Variants in MLLT3 observed in about 807,000 individuals in gnomAD.
MLLT3 encodes protein AF-9.
Under a neutral mutation model 53.2 loss-of-function variants are expected in MLLT3, and 4 were observed. That is an observed-to-expected ratio of 0.08 (90% CI 0.04 to 0.17). The LOEUF is 0.17. Among genes scored for constraint, MLLT3 ranks in the 10% least tolerant of loss-of-function variants. MLLT3 has a pLI of 1.00. For missense variants in MLLT3, 569 were observed against 684.0 expected, an observed-to-expected ratio of 0.83 and a Z score of 1.87; for synonymous variants, 283 against 230.6, an observed-to-expected ratio of 1.23 and a Z score of -2.06.
chr9:20,363,431 G>C, intron 7 of MLLT3, 45 bp downstream of exon 7: 1 of 1,608,410 alleles, frequency 6.2e-7, no homozygotes, highest in Non-Finnish European at 8.5e-7. Context: ...TTGTGAAAGA[G>C]TCTGACTTCA....
intron 2 of MLLT3, among the ~76,000 whole-genome samples, chr9:20,467,642 T>TA (rs1157724224): frequency 1.3e-5 from 2 of 152,122 alleles, no homozygotes; most frequent in Admixed American, 1.3e-4. Flanking sequence ...TTAGGAGTAA[T>TA]AAAAAATCGC....
intron 3 of MLLT3, among the ~76,000 whole-genome samples, chr9:20,451,662 T>C (rs1021551008): frequency 4.6e-5 from 7 of 152,186 alleles, no homozygotes; most frequent in Non-Finnish European, 7.4e-5. Context: ...AAAGTTCAAA[T>C]GAGAAAGCAT....
At chr9:20,467,352 G>C (rs1021624758) in intron 2 of MLLT3, among the ~76,000 whole-genome samples, 11 of 152,142 alleles carry the variant, frequency 7.2e-5, no homozygotes, top group African/African-American at 2.7e-4. Flanking sequence ...GGCTGAGGTA[G>C]GTGGATCACG....
intron 2 of MLLT3, among the ~76,000 whole-genome samples, chr9:20,571,252 C>T (rs1283020208): frequency 6.6e-6 from 1 of 152,210 alleles, no homozygotes; most frequent in Non-Finnish European, 1.5e-5. Context: ...CAAAACTACA[C>T]AATGGGATTG....
chr9:20,560,754 A>G (rs547855134), intron 2 of MLLT3, among the ~76,000 whole-genome samples: 1 of 152,066 alleles, frequency 6.6e-6, no homozygotes, highest in Admixed American at 6.6e-5. Flanking sequence ...TTATTAAAAA[A>G]TTTTTTATTC....
At chr9:20,477,196 T>C (rs1478497090) in intron 2 of MLLT3, among the ~76,000 whole-genome samples, 1 of 152,172 alleles carries the variant, frequency 6.6e-6, no homozygotes, top group Non-Finnish European at 1.5e-5. Context: ...TAAATTCTTC[T>C]ATTTGCCAGG....
At chr9:20,483,698 CTTTT>C (rs10538657) in intron 2 of MLLT3, among the ~76,000 whole-genome samples, 1,466 of 68,892 alleles carry the variant, frequency 0.021, 43 homozygotes, top group African/African-American at 0.081. Context: ...CAGTAAAACT[CTTTT>C]TTTTTTTTTT....
intron 3 of MLLT3, among the ~76,000 whole-genome samples, chr9:20,455,549 G>C (rs1370975005): frequency 2.0e-5 from 3 of 152,122 alleles, no homozygotes; most frequent in Non-Finnish European, 2.9e-5. Context: ...CCTGCCCTTA[G>C]GGTAATGCTA....
intron 5 of MLLT3, among the ~76,000 whole-genome samples, chr9:20,397,533 A>T (rs1399617317): frequency 6.6e-6 from 1 of 152,138 alleles, no homozygotes; most frequent in Non-Finnish European, 1.5e-5. Context: ...AAAGCTGGGT[A>T]GAAAGGCAGC....
At chr9:20,408,808 G>C (rs558177617) in intron 5 of MLLT3, among the ~76,000 whole-genome samples, 5 of 152,272 alleles carry the variant, frequency 3.3e-5, no homozygotes, top group African/African-American at 1.2e-4. Context: ...GCTCCAGACA[G>C]TTTAAGCAGG....
At chr9:20,452,030 G>A (rs373221443) in intron 3 of MLLT3, among the ~76,000 whole-genome samples, 13 of 152,222 alleles carry the variant, frequency 8.5e-5, no homozygotes, top group African/African-American at 1.9e-4. Context: ...AACTGAAGAC[G>A]AGCTCATTAG....
At chr9:20,606,353 G>A (rs1820568971) in intron 2 of MLLT3, among the ~76,000 whole-genome samples, 1 of 152,090 alleles carries the variant, frequency 6.6e-6, no homozygotes, top group Non-Finnish European at 1.5e-5. Flanking sequence ...ATTCATGAGT[G>A]GATGGGGGAG....
intron 4 of MLLT3, among the ~76,000 whole-genome samples, chr9:20,446,659 G>A (rs1162442045): frequency 6.6e-6 from 1 of 152,132 alleles, no homozygotes; most frequent in Non-Finnish European, 1.5e-5. Flanking sequence ...TTAAAAAAAT[G>A]AGATTGATTA....
chr9:20,590,346 T>G (rs764793597), intron 2 of MLLT3, among the ~76,000 whole-genome samples: 11 of 152,208 alleles, frequency 7.2e-5, no homozygotes, highest in Non-Finnish European at 1.0e-4. Context: ...GGGTTGCATG[T>G]GTCCCCTATG....
intron 2 of MLLT3, among the ~76,000 whole-genome samples, chr9:20,540,251 G>A (rs894809218): frequency 5.3e-5 from 8 of 152,282 alleles, no homozygotes; most frequent in East Asian, 3.9e-4. Flanking sequence ...ACTGGAGGAC[G>A]ATGGCCCTCT....
chr9:20,395,321 T>C (rs1475136955), intron 5 of MLLT3, among the ~76,000 whole-genome samples: 1 of 152,168 alleles, frequency 6.6e-6, no homozygotes, highest in Non-Finnish European at 1.5e-5. Context: ...GTTATCTACT[T>C]AGGATCTTAC....
rs1419609955 is a variant in MLLT3, at chr9:20,554,868, C to A, written c.193+65786G>T. 2.0e-5 allele frequency among the ~76,000 whole-genome samples: 3 copies of A among 152,126 alleles called. No homozygotes were observed. The East Asian group carries it at 5.8e-4, about 29-fold the overall frequency. On this transcript the variant is annotated intron_variant, in intron 2 of 10. Coordinates refer to ENST00000380338, the MANE Select transcript of MLLT3 (RefSeq NM_004529.4). ...CCAATAAAATGAGGGTGAAAAATGA[C>A]TACTTTTGAAAAACTAAATTAACTA...
At chr9:20,552,869 T>C (rs1043965330) in intron 2 of MLLT3, among the ~76,000 whole-genome samples, 1 of 152,154 alleles carries the variant, frequency 6.6e-6, no homozygotes, top group African/African-American at 2.4e-5. Context: ...AAAAAACCAC[T>C]TTCAGTAATG....
At chr9:20,562,081 CTTTA>C (rs1359742190) in intron 2 of MLLT3, among the ~76,000 whole-genome samples, 1 of 152,018 alleles carries the variant, frequency 6.6e-6, no homozygotes, top group African/African-American at 2.4e-5. Flanking sequence ...TATTTTCATG[CTTTA>C]TTTAATCCCA....
Sources: allele counts gnomAD v4.1 joint callset (sites outside exome capture counted in the v4.1 genomes callset), GRCh38; gene constraint gnomAD v4.1.1; transcripts MANE v1.5; gene names NCBI Gene and HGNC (gene_info 2026-07-23, HGNC 2026-07-21).